MDFIC: variants seen among roughly 807,000 people sequenced by gnomAD.
MDFIC encodes the protein MyoD family inhibitor domain containing.
MDFIC carries 17 observed loss-of-function variants against 23.2 expected under a neutral mutation model. The ratio of observed to expected loss-of-function variants is 0.73; its 90% confidence interval spans 0.50 to 1.10. The LOEUF (loss-of-function observed/expected upper bound fraction) is 1.10. Among genes scored for constraint, MDFIC ranks in the 50% least tolerant of loss-of-function variants. The probability of loss-of-function intolerance (pLI) is 0.00; values close to 1 mark genes in which losing one functional copy is unlikely to be tolerated. For missense variants in MDFIC, 356 were observed against 316.6 expected (o/e 1.12, Z -0.95); for synonymous variants, 120 against 115.2 (o/e 1.04, Z -0.27).
chr7:114,979,341 T>C (rs1793374043), intron 3 of MDFIC, among the ~76,000 whole-genome samples, 165 bp from the exon 4 acceptor site: 1 of 152,190 alleles, frequency 6.6e-6, no homozygotes, highest in Non-Finnish European at 1.5e-5. Flanking sequence ...AAATTATACT[T>C]TCTCTATGTC....
At chr7:114,995,766 C>A (rs988118871) in intron 4 of MDFIC, among the ~76,000 whole-genome samples, 8 of 152,178 alleles carry the variant, frequency 5.3e-5, no homozygotes, top group African/African-American at 1.9e-4. Flanking sequence ...CTGGGGGGTG[C>A]CTCCCAGTTA....
chr7:114,935,664 A>T (rs983150219), intron 2 of MDFIC, among the ~76,000 whole-genome samples: 16 of 152,108 alleles, frequency 1.1e-4, no homozygotes, highest in African/African-American at 3.1e-4. Context: ...AGGAAACCCA[A>T]GTCCGGGGAA....
intron 3 of MDFIC, among the ~76,000 whole-genome samples, chr7:114,970,756 A>G (rs1024705055): frequency 2.0e-5 from 3 of 152,168 alleles, no homozygotes; most frequent in African/African-American, 7.2e-5. Context: ...TACTAAACTC[A>G]AACAAGTAAC....
chr7:114,993,597 A>G (rs1791239715), intron 4 of MDFIC, among the ~76,000 whole-genome samples: 1 of 152,114 alleles, frequency 6.6e-6, no homozygotes. Flanking sequence ...CCTTCATTTA[A>G]CAAAATGTAC....
chr7:114,924,969 CT>C (rs1444930658), intron 2 of MDFIC, among the ~76,000 whole-genome samples: 1 of 152,108 alleles, frequency 6.6e-6, no homozygotes, highest in Non-Finnish European at 1.5e-5. Context: ...TTCTCAAGTT[CT>C]TTTATCCTCT....
chr7:114,964,818 G>T (rs1793066153), intron 3 of MDFIC, among the ~76,000 whole-genome samples: 1 of 152,114 alleles, frequency 6.6e-6, no homozygotes, highest in African/African-American at 2.4e-5. Flanking sequence ...CAAAGTGCTG[G>T]GATTACAGGC....
intron 2 of MDFIC, chr7:114,923,533 CTTG>C (rs2115662225): frequency 6.5e-7 from 1 of 1,537,230 alleles, no homozygotes; most frequent in Non-Finnish European, 8.7e-7. Context: ...CTTTCTGTTT[CTTG>C]TTGGCTCCTC....
intron 4 of MDFIC, chr7:115,013,877 G>A (rs1379390499): frequency 7.1e-6 from 4 of 567,314 alleles, no homozygotes; most frequent in Non-Finnish European, 8.9e-6. Flanking sequence ...GTGGATTTTA[G>A]AGATCCCCTG....
At chr7:114,979,039 A>G (rs35825584) in intron 3 of MDFIC, among the ~76,000 whole-genome samples, 3,882 of 152,094 alleles carry the variant, frequency 0.026, 96 homozygotes, top group South Asian at 0.11. Flanking sequence ...TTTTCTTTGT[A>G]TTGTCTGGCT....
intron 2 of MDFIC, chr7:114,923,725 C>A: frequency 8.3e-7 from 1 of 1,201,418 alleles, no homozygotes; most frequent in Non-Finnish European, 1.1e-6. Flanking sequence ...CTATAAAATA[C>A]TCTTGTGTCT....
chr7:115,013,616 G>A (rs1343935562), intron 4 of MDFIC, among the ~76,000 whole-genome samples: 1 of 152,188 alleles, frequency 6.6e-6, no homozygotes, highest in Non-Finnish European at 1.5e-5. Flanking sequence ...TCACTTGAAG[G>A]TACATTGAAT....
chr7:115,005,469 CA>C (rs1396250438), intron 4 of MDFIC, among the ~76,000 whole-genome samples: 2 of 152,130 alleles, frequency 1.3e-5, no homozygotes, highest in African/African-American at 4.8e-5. Flanking sequence ...TTAGCTTGCC[CA>C]AATGGTAATA....
At chr7:114,996,278 G>T (rs1371672937) in intron 4 of MDFIC, among the ~76,000 whole-genome samples, 1 of 152,180 alleles carries the variant, frequency 6.6e-6, no homozygotes, top group Non-Finnish European at 1.5e-5. Flanking sequence ...GACAGTGATG[G>T]AGGTGATGAG....
intron 3 of MDFIC, among the ~76,000 whole-genome samples, chr7:114,960,269 A>G (rs2115858648): frequency 6.6e-6 from 1 of 152,346 alleles, no homozygotes; most frequent in Non-Finnish European, 1.5e-5. Context: ...AATAACCAGC[A>G]CTTGGTTAAA....
intron 3 of MDFIC, among the ~76,000 whole-genome samples, chr7:114,958,103 G>A (rs1273636165): frequency 6.6e-6 from 1 of 152,188 alleles, no homozygotes; most frequent in Admixed American, 6.5e-5. Context: ...AGCATAGCTT[G>A]TAATAAGTTG....
At chr7:114,933,619 G>A (rs779677372) in intron 2 of MDFIC, among the ~76,000 whole-genome samples, 2 of 152,142 alleles carry the variant, frequency 1.3e-5, no homozygotes, top group Non-Finnish European at 2.9e-5. Context: ...TAGATATGGT[G>A]TCTCTGGATT....
At chr7:114,950,179 A>G (rs759245061) in intron 3 of MDFIC, among the ~76,000 whole-genome samples, 5 of 152,202 alleles carry the variant, frequency 3.3e-5, no homozygotes, top group Non-Finnish European at 5.9e-5. Flanking sequence ...GAAGGCATTA[A>G]GAGATCAACT....
Position 114,979,367 on chromosome 7 carries a change from CTTTCT to C in MDFIC, c.218-131_218-127del, listed in dbSNP as rs1295246904. 5.9e-6 allele frequency: 5 copies of C among 844,964 alleles called. No individual in the cohort carries two copies. The African/African-American group carries it at 8.7e-5, about 15-fold the overall frequency. The allele number at this position is 844,964 out of a possible 1,614,324, so 52.3% of individuals were successfully genotyped here. A position where few individuals can be genotyped will look rare whatever the true frequency, so the allele number is the denominator to read the frequency against. ...TCTCTATGTCTATGTTAGTATTTTTCTTTCTTTTCTTTGTTGCCTCTTCAGTGTTA... is the reference window on the plus strand; with the variant it reads ...TCTCTATGTCTATGTTAGTATTTTTCTTTCTTTGTTGCCTCTTCAGTGTTA... On this transcript the variant is annotated intron_variant, in intron 3 of 4. Coordinates refer to ENST00000393486, the MANE Select transcript of MDFIC (RefSeq NM_001166345.3).
At chr7:114,923,451 T>A in intron 2 of MDFIC, 1 of 1,537,646 alleles carries the variant, frequency 6.5e-7, no homozygotes, top group South Asian at 1.2e-5. Context: ...GAAGCGCTTC[T>A]CCTCTAGGTC....
Sources: gnomAD v4.1 joint callset for allele counts (sites outside exome capture counted in the v4.1 genomes callset) on GRCh38, gnomAD v4.1.1 for gene constraint, MANE v1.5 for transcripts, NCBI Gene and HGNC (gene_info 2026-07-23, HGNC 2026-07-21) for gene names.